ZNF875: variants seen among roughly 807,000 people sequenced by gnomAD.
The protein encoded by ZNF875 is zinc finger protein 875, also known as HKR1, GLI-Kruppel zinc finger family member.
ZNF875 carries 14 observed loss-of-function variants against 11.2 expected under a neutral mutation model. The observed-to-expected ratio is 1.26, with a 90% CI of 0.83 to 1.96. The LOEUF (loss-of-function observed/expected upper bound fraction) is 1.96. Among genes scored for constraint, ZNF875 ranks in the 30% most tolerant of loss-of-function variants. ZNF875 has a pLI of 0.00. For missense variants in ZNF875, 752 were observed against 760.4 expected (o/e 0.99, Z 0.13); for synonymous variants, 301 against 281.1 (o/e 1.07, Z -0.71).
intron 4 of ZNF875, among the ~76,000 whole-genome samples, chr19:37,350,506 C>A (rs1288149697): frequency 6.6e-6 from 1 of 152,098 alleles, no homozygotes; most frequent in Non-Finnish European, 1.5e-5. Context: ...TCTTATATAA[C>A]CACAGTACAT....
At position 37,362,426 on chromosome 19, in the gene ZNF875, G is replaced by T; in HGVS notation, c.574G>T (p.Asp192Tyr). The change falls in exon 5 of 5, where the codon GAC becomes TAC. Residue 192 changes from aspartate (D) to tyrosine (Y), a missense_variant. Asp to Tyr is a radical substitution (Grantham distance 160, BLOSUM62 -3). Coordinates refer to ENST00000392153, the MANE Select transcript of ZNF875 (RefSeq NM_001353803.2). ...EEQQPAQSKE[D>Y]NTVVDIGSSP... is the part of the protein sequence containing the mutation. ...ACAACAGCCAGCACAGTCCAAGGAA[G>T]ACAACACAGTGGTGGATATAGGGTC... is the stretch of plus-strand genomic sequence containing the variant. The T allele has an allele frequency of 1.2e-6, 2 of 1,614,172 alleles. No individual in the cohort carries two copies. Among genetic ancestry groups the T allele is most frequent in the Non-Finnish European group, 1.7e-6 (2 of 1,180,038 alleles).
At chr19:37,348,334 A>G (rs757360047) in intron 4 of ZNF875, among the ~76,000 whole-genome samples, 1 of 152,232 alleles carries the variant, frequency 6.6e-6, no homozygotes, top group Non-Finnish European at 1.5e-5. Flanking sequence ...AGCTTAAGAA[A>G]TAAAAAATGA....
intron 4 of ZNF875, among the ~76,000 whole-genome samples, chr19:37,361,470 T>C (rs994134476): frequency 7.9e-5 from 12 of 152,236 alleles, no homozygotes; most frequent in Middle Eastern, 3.4e-3. Context: ...TCCTCCTCCT[T>C]CTTCTTCCTT....
chr19:37,323,721 G>A (rs2031924022), intron 3 of ZNF875, among the ~76,000 whole-genome samples: 1 of 152,140 alleles, frequency 6.6e-6, no homozygotes, highest in African/African-American at 2.4e-5. Flanking sequence ...AGAAATCAGG[G>A]GAAAGTGCCA....
chr19:37,331,139 A>C (rs2033307953), upstream of ZNF875, among the ~76,000 whole-genome samples: 2 of 135,842 alleles, frequency 1.5e-5, no homozygotes, highest in East Asian at 5.0e-4. Context: ...GTGAGCCGAG[A>C]TGGCACCACT....
chr19:37,328,873 TG>T (rs1251014369), intron 4 of ZNF875: 1 of 152,246 alleles, frequency 6.6e-6, no homozygotes, highest in Non-Finnish European at 1.5e-5. Flanking sequence ...AGGTCCATTC[TG>T]TTGCTTCTTT....
chr19:37,314,407 C>T (rs1452679344), upstream of ZNF875, among the ~76,000 whole-genome samples: 3 of 152,220 alleles, frequency 2.0e-5, no homozygotes, highest in Non-Finnish European at 4.4e-5. Flanking sequence ...TGAGCCACTG[C>T]ACCCAGCTGA....
upstream of ZNF875, among the ~76,000 whole-genome samples, chr19:37,332,823 G>C (rs1299913699): frequency 6.6e-6 from 1 of 152,126 alleles, no homozygotes; most frequent in East Asian, 1.9e-4. Flanking sequence ...TTATAATTTA[G>C]ATGGATTTTC....
At chr19:37,360,168 CA>C (rs2039668366) in intron 4 of ZNF875, among the ~76,000 whole-genome samples, 1 of 152,186 alleles carries the variant, frequency 6.6e-6, no homozygotes, top group South Asian at 2.1e-4. Flanking sequence ...CTTACAATCT[CA>C]TATAAAGAGT....
At chr19:37,331,015 T>G (rs1273792732), upstream of ZNF875, among the ~76,000 whole-genome samples, 1 of 151,692 alleles carries the variant, frequency 6.6e-6, no homozygotes, top group Non-Finnish European at 1.5e-5. Flanking sequence ...TGAAACCCGA[T>G]CTCTACTAAA....
chr19:37,342,819 T>TA (rs2146146054), intron 2 of ZNF875, among the ~76,000 whole-genome samples: 1 of 152,328 alleles, frequency 6.6e-6, no homozygotes, highest in South Asian at 2.1e-4. Flanking sequence ...GCTTTGCTAA[T>TA]ATATAATACT....
At chr19:37,362,080 C>G (rs1171648243) in intron 4 of ZNF875, 29 bp from the exon 5 acceptor site, 1 of 1,538,152 alleles carries the variant, frequency 6.5e-7, no homozygotes, top group South Asian at 1.2e-5. Flanking sequence ...CTACCTATGG[C>G]CCCTCTGAAA....
rs1409022368 is a variant in ZNF875, at chr19:37,362,149, G to C, written c.297G>C (p.Leu99=). 10 of 1,613,962 alleles carry C rather than the reference G, an allele frequency of 6.2e-6. No homozygotes were observed. In the Admixed American group the frequency reaches 6.7e-5, roughly 11 times the overall value. ...TTCAACTTAGTCCCTCCTGCCCTCT[G>C]ATTTTCTCCAGTCAGCAAGCTCTCA... ...PEIQLSPSCP[L]IFSSQQALSQ... is the part of the protein sequence containing the mutation. The change falls in exon 5 of 5, where the codon CTG becomes CTC. Residue 99 remains leucine, a synonymous_variant. Coordinates refer to ENST00000392153, the MANE Select transcript of ZNF875 (RefSeq NM_001353803.2).
upstream of ZNF875, among the ~76,000 whole-genome samples, chr19:37,316,151 C>A (rs986852031): frequency 6.6e-6 from 1 of 152,192 alleles, no homozygotes; most frequent in East Asian, 1.9e-4. Flanking sequence ...CTACAGAACA[C>A]TGAAAATGCC....
At chr19:37,349,841 G>A (rs892545901) in intron 4 of ZNF875, among the ~76,000 whole-genome samples, 1 of 151,920 alleles carries the variant, frequency 6.6e-6, no homozygotes. Context: ...TTTTAGTAGA[G>A]ACGGGGTTTC....
At position 37,336,043 on chromosome 19, in the gene ZNF875, G is replaced by C. The variant is rs370803342; in HGVS notation, c.33+786G>C. On this transcript the variant is annotated intron_variant, in intron 2 of 4. Transcript: ENST00000392153. The stretch of plus-strand genomic sequence containing the variant: ...CACATATGGAGCAGTTTAAATAAAA[G>C]TAAAGAGACATACATGCGTAATTGT... Among the ~76,000 whole-genome samples, 228 of 152,296 alleles carry C rather than the reference G, an allele frequency of 1.5e-3. 2 individuals are homozygous for C. The highest frequency in any genetic ancestry group is 0.01 in the Middle Eastern group (3 of 294).
intron 4 of ZNF875, among the ~76,000 whole-genome samples, chr19:37,351,097 G>A (rs180682030): frequency 1.1e-3 from 160 of 152,004 alleles, no homozygotes; most frequent in Middle Eastern, 3.4e-3. Context: ...AACCACTTGT[G>A]CCCAGCCTCA....
chr19:37,362,429 A>G lies in ZNF875; in HGVS notation c.577A>G (p.Asn193Asp), dbSNP rs1415442662. 1 of 1,614,202 alleles carries G rather than the reference A, an allele frequency of 6.2e-7. No individual in the cohort carries two copies. The highest frequency in any genetic ancestry group is 2.2e-5 in the East Asian group (1 of 44,888). ...ACAGCCAGCACAGTCCAAGGAAGAC[A>G]ACACAGTGGTGGATATAGGGTCCAG... ...EQQPAQSKED[N>D]TVVDIGSSPE... Residue 193 changes from asparagine to aspartate, a missense_variant, in exon 5 of 5, where the codon AAC becomes GAC. Transcript: ENST00000392153.
At chr19:37,353,022 C>T (rs558541988) in intron 4 of ZNF875, among the ~76,000 whole-genome samples, 18 of 151,308 alleles carry the variant, frequency 1.2e-4, no homozygotes, top group Non-Finnish European at 1.8e-4. Flanking sequence ...TAGGGGCGCA[C>T]GCTACTACGC....
Sources: allele counts gnomAD v4.1 joint callset (sites outside exome capture counted in the v4.1 genomes callset), GRCh38; gene constraint gnomAD v4.1.1; transcripts MANE v1.5; gene names NCBI Gene and HGNC (gene_info 2026-07-23, HGNC 2026-07-21).